DPYD: variants seen among roughly 807,000 people sequenced by gnomAD.
The protein encoded by DPYD is dihydropyrimidine dehydrogenase [NADP(+)].
A neutral mutation model predicts 116.2 loss-of-function variants in DPYD; 109 were observed. The observed-to-expected ratio is 0.94, with a 90% CI of 0.80 to 1.10. The LOEUF (loss-of-function observed/expected upper bound fraction) is 1.10. DPYD is among the 50% of genes least tolerant of loss of function. DPYD has a pLI of 0.00. For missense variants in DPYD, 1,302 were observed against 1,254.5 expected (o/e 1.04, Z -0.57); for synonymous variants, 440 against 432.0 (o/e 1.02, Z -0.23).
At chr1:97,761,057 A>G (rs1262652349) in intron 3 of DPYD, among the ~76,000 whole-genome samples, 1 of 152,142 alleles carries the variant, frequency 6.6e-6, no homozygotes, top group Non-Finnish European at 1.5e-5. Flanking sequence ...GTTTCCATAG[A>G]TAAAACATCA....
intron 2 of DPYD, among the ~76,000 whole-genome samples, chr1:97,840,204 T>C (rs1052476661): frequency 1.3e-5 from 2 of 151,906 alleles, no homozygotes; most frequent in Admixed American, 1.3e-4. Context: ...GAGACAACAA[T>C]AAAGTATTGA....
intron 14 of DPYD, among the ~76,000 whole-genome samples, chr1:97,386,131 A>C (rs943074226): frequency 6.6e-6 from 1 of 152,100 alleles, no homozygotes; most frequent in Non-Finnish European, 1.5e-5. Context: ...CTGAGCAGCC[A>C]AGCACTACCC....
At chr1:97,157,840 A>C (rs1247646122) in intron 20 of DPYD, among the ~76,000 whole-genome samples, 1 of 152,136 alleles carries the variant, frequency 6.6e-6, no homozygotes, top group Non-Finnish European at 1.5e-5. Context: ...TTAATGGTAC[A>C]TGGAGCTAAA....
At chr1:97,771,200 G>A (rs11165908) in intron 3 of DPYD, among the ~76,000 whole-genome samples, 113,819 of 152,098 alleles carry the variant, frequency 0.75, 43,067 homozygotes, top group East Asian at 0.98. Flanking sequence ...CATGCGCCAG[G>A]GGGTAGTGGA....
At chr1:97,886,244 C>T (rs1672479661) in intron 1 of DPYD, among the ~76,000 whole-genome samples, 1 of 152,070 alleles carries the variant, frequency 6.6e-6, no homozygotes, top group African/African-American at 2.4e-5. Context: ...TCTACCCCAG[C>T]CACCAGTTGA....
intron 14 of DPYD, among the ~76,000 whole-genome samples, chr1:97,404,395 C>T (rs1455962826): frequency 1.3e-5 from 2 of 152,162 alleles, no homozygotes; most frequent in African/African-American, 4.8e-5. Flanking sequence ...GTTGTAGTCT[C>T]CAACTATGCT....
rs147907692 is a variant in DPYD at position 97,916,499 on chromosome 1, G to A, written c.39+4385C>T. ...CCAGCTTCATCCATGTCCCTACAAA[G>A]GATATGAACTCATAATCTTTTTAAA... On this transcript the variant is annotated intron_variant, in intron 1 of 22. Coordinates refer to ENST00000370192, the MANE Select transcript of DPYD (RefSeq NM_000110.4). Among the ~76,000 whole-genome samples the A allele has an allele frequency of 3.0e-3, 464 of 152,176 alleles. 5 individuals carry two copies. Among genetic ancestry groups the A allele is most frequent in the African/African-American group, 0.011 (451 of 41,508 alleles).
Position 97,622,535 on chromosome 1 carries a change from G to A in DPYD, c.851-27369C>T, listed in dbSNP as rs192046369. Among the ~76,000 whole-genome samples the A allele has an allele frequency of 3.2e-4, 48 of 151,990 alleles. No individual in the cohort carries two copies. In the East Asian group the frequency reaches 6.0e-3, roughly 19 times the overall value. On this transcript the variant is annotated intron_variant, in intron 8 of 22. Coordinates refer to ENST00000370192, the MANE Select transcript of DPYD (RefSeq NM_000110.4). ...TCTTGGATAGACTCTAGGTAAAACC[G>A]ACCCTGGGTAAAAACTAAGGAAATC...
chr1:97,737,726 GTGTACAATATA>G (rs1664039155), intron 4 of DPYD, among the ~76,000 whole-genome samples: 2 of 151,976 alleles, frequency 1.3e-5, no homozygotes, highest in Non-Finnish European at 2.9e-5. Context: ...TTGTGTGTGT[GTGTACAATATA>G]TGTACAATAT....
intron 8 of DPYD, among the ~76,000 whole-genome samples, chr1:97,648,291 G>A (rs1156286241): frequency 6.6e-6 from 1 of 151,916 alleles, no homozygotes; most frequent in Non-Finnish European, 1.5e-5. Flanking sequence ...TCACTCTGGG[G>A]CTTAGAGTAA....
At chr1:97,325,715 T>C (rs539821135) in intron 16 of DPYD, among the ~76,000 whole-genome samples, 6 of 152,064 alleles carry the variant, frequency 3.9e-5, no homozygotes, top group East Asian at 1.9e-4. Flanking sequence ...GTGAAGGTGA[T>C]TGTAGTTTGG....
At chr1:97,648,138 T>C (rs918161004) in intron 8 of DPYD, among the ~76,000 whole-genome samples, 1 of 152,044 alleles carries the variant, frequency 6.6e-6, no homozygotes, top group South Asian at 2.1e-4. Flanking sequence ...TCAATTGTCA[T>C]AGTTTTGGTC....
rs538707569 is a variant in DPYD, at chr1:97,434,582, A to G, written c.1905+15477T>C. 3.9e-5 allele frequency among the ~76,000 whole-genome samples: 6 copies of G among 152,078 alleles called. No individual in the cohort carries two copies. In the South Asian group the frequency reaches 1.2e-3, roughly 32 times the overall value. On this transcript the variant is annotated intron_variant, in intron 14 of 22. Coordinates refer to ENST00000370192, the MANE Select transcript of DPYD (RefSeq NM_000110.4). ...AGTTTGTGAATTATCTAGGTCTTTGATTCTTCTCTTCCCTCTGGCTGATTA... is the reference window on the plus strand; with the variant it reads ...AGTTTGTGAATTATCTAGGTCTTTGGTTCTTCTCTTCCCTCTGGCTGATTA...
intron 8 of DPYD, among the ~76,000 whole-genome samples, chr1:97,599,092 C>G (rs1188111948): frequency 1.3e-5 from 2 of 152,236 alleles, no homozygotes; most frequent in Non-Finnish European, 2.9e-5. Context: ...AGGTTCCAAT[C>G]TAGTGACAGA....
chr1:97,479,247 A>T (rs1678167470), intron 13 of DPYD, among the ~76,000 whole-genome samples: 1 of 152,212 alleles, frequency 6.6e-6, no homozygotes, highest in Non-Finnish European at 1.5e-5. Context: ...TGCCACCTCC[A>T]CTAAGCTTAA....
At chr1:97,685,747 A>G (rs919448694) in intron 7 of DPYD, among the ~76,000 whole-genome samples, 1 of 152,180 alleles carries the variant, frequency 6.6e-6, no homozygotes, top group Non-Finnish European at 1.5e-5. Context: ...CTACAAAGAG[A>G]ATAAAATACC....
rs78885462 is a variant in DPYD, at chr1:97,553,348, G to A, written c.1340-3604C>T. The stretch of plus-strand genomic sequence containing the variant: ...TCAAGGATTCAGTGAAAAAATCCAC[G>A]TGCATGTTATTCATAATTTCTCAGA... On this transcript the variant is annotated intron_variant, in intron 11 of 22. Coordinates refer to ENST00000370192, the MANE Select transcript of DPYD (RefSeq NM_000110.4). Among the ~76,000 whole-genome samples the A allele has an allele frequency of 2.9e-3, 444 of 151,844 alleles. 1 individual carries two copies. Among genetic ancestry groups the A allele is most frequent in the African/African-American group, 0.01 (416 of 41,456 alleles).
intron 20 of DPYD, among the ~76,000 whole-genome samples, chr1:97,153,967 C>T (rs1036881473): frequency 1.9e-4 from 22 of 116,702 alleles, no homozygotes; most frequent in African/African-American, 6.6e-4. Flanking sequence ...CAAGAATGGC[C>T]ATGATCAAAA....
chr1:97,305,155 A>G, intron 18 of DPYD, 104 bp downstream of exon 18: 1 of 1,537,886 alleles, frequency 6.5e-7, no homozygotes, highest in South Asian at 1.1e-5. Flanking sequence ...GCTATGAGTT[A>G]TAAGAATTTG....
Sources: gnomAD v4.1 joint callset for allele counts (sites outside exome capture counted in the v4.1 genomes callset) on GRCh38, gnomAD v4.1.1 for gene constraint, MANE v1.5 for transcripts, NCBI Gene and HGNC (gene_info 2026-07-23, HGNC 2026-07-21) for gene names.